The following INO80D variants were observed in gnomAD, a reference collection of about 807,000 sequenced individuals.
INO80D encodes INO80 complex subunit D.
INO80D carries 21 observed loss-of-function variants against 87.6 expected under a neutral mutation model. The ratio of observed to expected loss-of-function variants is 0.24; its 90% CI spans 0.17 to 0.35. INO80D has a LOEUF of 0.35. Among genes scored for constraint, INO80D ranks in the 10% least tolerant of loss-of-function variants. INO80D has a pLI of 1.00. For missense variants in INO80D, 982 were observed against 1,280.7 expected (o/e 0.77, Z 3.56); for synonymous variants, 440 against 491.0 (o/e 0.90, Z 1.37).
chr2:206,026,832 T>G (rs1688627433), intron 6 of INO80D, among the ~76,000 whole-genome samples: 2 of 152,020 alleles, frequency 1.3e-5, no homozygotes, highest in Non-Finnish European at 2.9e-5. Flanking sequence ...CAGATAACTC[T>G]ACATTTCTGA....
intron 3 of INO80D, among the ~76,000 whole-genome samples, chr2:206,060,970 T>C (rs183070386): frequency 9.9e-5 from 15 of 152,268 alleles, no homozygotes; most frequent in Admixed American, 9.8e-4. Context: ...ATACAGATGC[T>C]TCAGAGAATA....
At chr2:206,079,373 TACCCCAGGTTTCAAACCAA>T (rs1690213074) in intron 1 of INO80D, among the ~76,000 whole-genome samples, 1 of 152,168 alleles carries the variant, frequency 6.6e-6, no homozygotes, top group African/African-American at 2.4e-5. Context: ...GTACCAAGCC[TACCCCAGGTTTCAAACCAA>T]ATGTATACAA....
chr2:206,080,902 CAAAAAA>C (rs60198558), intron 1 of INO80D, among the ~76,000 whole-genome samples: 6 of 38,062 alleles, frequency 1.6e-4, no homozygotes, highest in African/African-American at 3.1e-4. Flanking sequence ...GACTCAGTCT[CAAAAAA>C]AAAAAAAAAA....
intron 3 of INO80D, among the ~76,000 whole-genome samples, chr2:206,057,435 G>T (rs1470928880): frequency 6.6e-6 from 1 of 152,156 alleles, no homozygotes; most frequent in African/African-American, 2.4e-5. Flanking sequence ...GAGAGACAGA[G>T]AAAGAGAGAG....
In INO80D at chr2:206,004,962, A is replaced by G. The variant is rs1687984790; in HGVS notation, c.2490T>C (p.Tyr830=). ...HSHSSPHGSH[Y]DSEHVPSPYS... ...AGGGAGACGGCACATGCTCACTATCATAATGGCTTCCATGGGGTGAGGAGT... is the reference window on the plus strand; with the variant it reads ...AGGGAGACGGCACATGCTCACTATCGTAATGGCTTCCATGGGGTGAGGAGT... The change falls in exon 11 of 11, where the codon TAT becomes TAC. Residue 830 remains tyrosine, a synonymous_variant. Coordinates refer to ENST00000403263, the MANE Select transcript of INO80D (RefSeq NM_017759.5). This position sits in a 1 kb window ranked among gnomAD's most constrained non-coding sequence, Gnocchi z 4.9. 6.2e-7 allele frequency: 1 copy of G among 1,613,928 alleles called. No homozygotes were observed. Among genetic ancestry groups the G allele is most frequent in the Non-Finnish European group, 8.5e-7 (1 of 1,179,902 alleles).
chr2:206,066,760 G>C (rs945497963), intron 1 of INO80D, among the ~76,000 whole-genome samples: 1 of 147,244 alleles, frequency 6.8e-6, no homozygotes, highest in African/African-American at 2.5e-5. Flanking sequence ...AGCCGAGATC[G>C]CACTACTGCA....
chr2:206,021,802 C>T (rs1384255322), intron 6 of INO80D, among the ~76,000 whole-genome samples: 7 of 151,712 alleles, frequency 4.6e-5, no homozygotes, highest in African/African-American at 7.3e-5. Flanking sequence ...TTAGTAGAGA[C>T]GTGGTTTCAC....
At chr2:206,029,366 T>G (rs1216334195) in intron 5 of INO80D, among the ~76,000 whole-genome samples, 2 of 152,184 alleles carry the variant, frequency 1.3e-5, no homozygotes, top group African/African-American at 2.4e-5. Context: ...AGTGCCTTTT[T>G]AGCAATGGCT....
Position 206,019,237 on chromosome 2 carries a change from A to G in INO80D, c.1408+499T>C, listed in dbSNP as rs573053045. On this transcript the variant is annotated intron_variant, in intron 7 of 10. Transcript: ENST00000403263. ...TCTTTAACATAGGTTTTCTTCAAGT[A>G]TACTTTAAAAGAGATCTTCTTTCCT... is the stretch of plus-strand genomic sequence containing the variant. Among the ~76,000 whole-genome samples, 3 of 152,314 alleles carry G rather than the reference A, an allele frequency of 2.0e-5. No individual in the cohort carries two copies. The South Asian group carries it at 6.2e-4, about 32-fold the overall frequency.
At chr2:206,006,369 G>C (rs1688023968) in intron 10 of INO80D, among the ~76,000 whole-genome samples, 1 of 152,132 alleles carries the variant, frequency 6.6e-6, no homozygotes, top group Non-Finnish European at 1.5e-5. Context: ...TAAAACTAGG[G>C]CAAGTTCTAA....
At position 206,006,411 on chromosome 2, in the gene INO80D, G is replaced by A. The variant is rs544044924; in HGVS notation, c.1918+873C>T. Among the ~76,000 whole-genome samples, 8 of 152,286 alleles carry A rather than the reference G, an allele frequency of 5.3e-5. 1 individual carries two copies. In the South Asian group the frequency reaches 1.7e-3, roughly 32 times the overall value. On this transcript the variant is annotated intron_variant, in intron 10 of 10. Coordinates refer to ENST00000403263, the MANE Select transcript of INO80D (RefSeq NM_017759.5). The stretch of plus-strand genomic sequence containing the variant: ...TCAAAACTCATGTTCGGCTGGGCGC[G>A]GTGGCTCGTGCTTGTAATCCCAGCA...
At chr2:206,011,759 T>C (rs371511420) in intron 8 of INO80D, among the ~76,000 whole-genome samples, 3 of 152,350 alleles carry the variant, frequency 2.0e-5, no homozygotes, top group African/African-American at 7.2e-5. Flanking sequence ...AGCATCTCTG[T>C]TCTAAGTGCT....
At chr2:206,038,630 G>A (rs986635459) in intron 5 of INO80D, among the ~76,000 whole-genome samples, 7 of 152,090 alleles carry the variant, frequency 4.6e-5, no homozygotes, top group South Asian at 2.1e-4. Flanking sequence ...CCAGGAGTTC[G>A]AAAGTGGCCT....
rs546512766 is a variant in INO80D, at chr2:206,043,266, C to T, written c.1073+3238G>A. On this transcript the variant is annotated intron_variant, in intron 5 of 10. Coordinates refer to ENST00000403263, the MANE Select transcript of INO80D (RefSeq NM_017759.5). ...GGCTCACTGCAACCTCTGCCTCCCG[C>T]GTTCAAGCAATTCTTCTGCCTCAGC... 5.3e-5 allele frequency among the ~76,000 whole-genome samples: 8 copies of T among 151,176 alleles called. No homozygotes were observed. In the South Asian group the frequency reaches 1.5e-3, roughly 28 times the overall value.
chr2:206,025,045 C>T lies in INO80D; in HGVS notation c.1298+3066G>A, dbSNP rs566015922. Among the ~76,000 whole-genome samples, 12 of 152,138 alleles carry T rather than the reference C, an allele frequency of 7.9e-5. No individual in the cohort carries two copies. The South Asian group carries it at 1.9e-3, about 24-fold the overall frequency. ...TGCTGGGATTACAGGCATGAGCCAT[C>T]GCACCCGGCCAACACTTTGTTTTAA... On this transcript the variant is annotated intron_variant, in intron 6 of 10. Transcript: ENST00000403263.
At chr2:206,007,512 C>A in intron 9 of INO80D, 71 bp from the exon 10 acceptor site, 1 of 1,501,498 alleles carries the variant, frequency 6.7e-7, no homozygotes. Context: ...AAGCCAAGTT[C>A]ATTCAACATG....
chr2:206,069,065 A>G (rs1050570844), intron 1 of INO80D, among the ~76,000 whole-genome samples: 1 of 152,096 alleles, frequency 6.6e-6, no homozygotes, highest in African/African-American at 2.4e-5. Flanking sequence ...GACATATTTC[A>G]TCTTAATCCT....
At chr2:206,028,427 C>T (rs1486222080) in intron 5 of INO80D, 92 bp from the exon 6 acceptor site, 1 of 1,019,094 alleles carries the variant, frequency 9.8e-7, no homozygotes. Flanking sequence ...TAGCTGAATG[C>T]ACAGGTTTAA....
intron 9 of INO80D, among the ~76,000 whole-genome samples, chr2:206,008,781 A>G (rs138557924): frequency 5.7e-4 from 87 of 152,342 alleles, no homozygotes; most frequent in African/African-American, 1.9e-3. Flanking sequence ...AATTTGTACA[A>G]TGAATCACAA....
Sources: gnomAD v4.1 joint callset for allele counts (sites outside exome capture counted in the v4.1 genomes callset) on GRCh38, gnomAD v4.1.1 for gene constraint, Gnocchi (gnomAD v3.1) non-coding constraint, MANE v1.5 for transcripts, NCBI Gene and HGNC (gene_info 2026-07-23, HGNC 2026-07-21) for gene names.